The following CRYBG1 variants were observed in gnomAD, a reference collection of about 807,000 sequenced individuals.
CRYBG1 encodes the protein crystallin beta-gamma domain containing 1, also known as beta/gamma crystallin domain-containing protein 1.
In CRYBG1, 139 loss-of-function variants were observed where a neutral mutation model predicts 189.2. That is an observed-to-expected ratio of 0.73 (90% CI 0.64 to 0.85). The LOEUF (loss-of-function observed/expected upper bound fraction) is 0.85, where lower values mean the gene tolerates loss of function less well. CRYBG1 is among the 40% of genes least tolerant of loss of function. CRYBG1 has a pLI of 0.00. For missense variants in CRYBG1, 2,611 were observed against 2,675.8 expected (o/e 0.98, Z 0.53); for synonymous variants, 1,023 against 1,017.1 (o/e 1.01, Z -0.11).
rs1400367055 is a variant in CRYBG1, at chr6:106,570,326, T to A, written c.*1760T>A. The stretch of plus-strand genomic sequence containing the variant: ...AACAGCATCCAACATATCTGTCTTG[T>A]TCCTAGATATATAGCTCTGATTTTA... On this transcript the variant is annotated 3_prime_UTR_variant, in exon 22 of 22. Transcript: ENST00000633556. The A allele has an allele frequency of 1.3e-5, 2 of 152,254 alleles. No homozygotes were observed. The highest frequency in any genetic ancestry group is 1.3e-4 in the Admixed American group (2 of 15,284). The allele number at this position is 152,254 out of a possible 1,614,324, so 9.4% of individuals were successfully genotyped here. A position where few individuals can be genotyped will look rare whatever the true frequency, so the allele number is the denominator to read the frequency against.
intron 1 of CRYBG1, among the ~76,000 whole-genome samples, chr6:106,380,063 T>A (rs571096826): frequency 6.6e-6 from 1 of 152,334 alleles, no homozygotes; most frequent in South Asian, 2.1e-4. Flanking sequence ...CATTTCCATG[T>A]TTAGAGTTTG....
intron 2 of CRYBG1, among the ~76,000 whole-genome samples, chr6:106,471,855 T>C: frequency 6.6e-6 from 1 of 151,682 alleles, no homozygotes; most frequent in East Asian, 1.9e-4. Context: ...TGGCATACTA[T>C]AGACAAAAAG....
intron 1 of CRYBG1, among the ~76,000 whole-genome samples, chr6:106,421,144 A>G (rs1431848683): frequency 6.6e-6 from 1 of 152,200 alleles, no homozygotes; most frequent in Non-Finnish European, 1.5e-5. Context: ...AGTGCACTTG[A>G]GGCCAAGGAA....
At chr6:106,484,510 G>A (rs1347430962) in intron 2 of CRYBG1, among the ~76,000 whole-genome samples, 5 of 152,070 alleles carry the variant, frequency 3.3e-5, no homozygotes, top group Non-Finnish European at 1.5e-5. Context: ...TGTAGAGACA[G>A]GGTCTTGCCA....
At position 106,360,808 on chromosome 6, in the gene CRYBG1, G is replaced by C; in HGVS notation, c.-101G>C. 1 of 1,360,734 alleles carries C rather than the reference G, an allele frequency of 7.3e-7. No homozygotes were observed. 84.3% of individuals were successfully genotyped at this position (1,360,734 alleles called of 1,614,324 possible). ...AGGGGGCGGGGTCCCACGGCGCGCT[G>C]AGAAAGGCGGGCGAGCTGGCGCTCA... On this transcript the variant is annotated 5_prime_UTR_variant, in exon 1 of 22. Transcript: ENST00000633556.
At chr6:106,524,942 G>A (rs1297230896) in intron 4 of CRYBG1, among the ~76,000 whole-genome samples, 191 bp from the exon 5 acceptor site, 1 of 152,088 alleles carries the variant, frequency 6.6e-6, no homozygotes, top group Non-Finnish European at 1.5e-5. Flanking sequence ...TCAGTTAGAG[G>A]TGAAAAAACC....
intron 2 of CRYBG1, among the ~76,000 whole-genome samples, chr6:106,505,231 A>G (rs1387316703): frequency 6.6e-6 from 1 of 151,964 alleles, no homozygotes; most frequent in Non-Finnish European, 1.5e-5. Flanking sequence ...AGTAGCTGGG[A>G]CTACAGGCAC....
chr6:106,379,274 T>G (rs193153747), intron 1 of CRYBG1, among the ~76,000 whole-genome samples: 173 of 152,164 alleles, frequency 1.1e-3, no homozygotes, highest in Non-Finnish European at 2.0e-3. Flanking sequence ...TTTTCTTTTT[T>G]TTTTCGAGAC....
rs188744271 is a variant in CRYBG1, at chr6:106,532,536, A to T, written c.4718+2221A>T. On this transcript the variant is annotated intron_variant, in intron 8 of 21. Transcript: ENST00000633556. ...TATATTCCCACCAATAGTGTGGAAG[A>T]GTTCCCTTTGCTCCACATCCTCACC... 5.3e-5 allele frequency among the ~76,000 whole-genome samples: 8 copies of T among 152,316 alleles called. 1 individual carries two copies. The East Asian group carries it at 1.5e-3, about 29-fold the overall frequency.
chr6:106,566,167 G>GAAA (rs34366986), intron 21 of CRYBG1, among the ~76,000 whole-genome samples: 6,361 of 123,788 alleles, frequency 0.051, 184 homozygotes, highest in South Asian at 0.11. Flanking sequence ...GCACCAGCGT[G>GAAA]AAAAAAAAAA....
At chr6:106,363,243 C>CA (rs57040798) in intron 1 of CRYBG1, among the ~76,000 whole-genome samples, 6,793 of 110,666 alleles carry the variant, frequency 0.061, 200 homozygotes, top group Admixed American at 0.075. Context: ...AACTCCGTCT[C>CA]AAAAAAAAAA....
At chr6:106,543,404 C>G (rs1167809914) in intron 10 of CRYBG1, 36 bp from the exon 11 acceptor site, 2 of 1,566,122 alleles carry the variant, frequency 1.3e-6, no homozygotes, top group African/African-American at 2.7e-5. Flanking sequence ...TGGGATACTT[C>G]TTACAGATTA....
chr6:106,486,238 T>G (rs907303612), intron 2 of CRYBG1, among the ~76,000 whole-genome samples: 4 of 151,816 alleles, frequency 2.6e-5, no homozygotes, highest in African/African-American at 9.7e-5. Flanking sequence ...AAGAACATAT[T>G]ATTTAATTTT....
chr6:106,452,976 T>G (rs1771814230), intron 2 of CRYBG1, among the ~76,000 whole-genome samples: 1 of 152,222 alleles, frequency 6.6e-6, no homozygotes. Context: ...ATGAAAGAAA[T>G]GCTCTCCTCC....
chr6:106,532,798 G>C lies in CRYBG1; in HGVS notation c.4718+2483G>C, dbSNP rs567649224. 3.3e-5 allele frequency among the ~76,000 whole-genome samples: 5 copies of C among 152,260 alleles called. No homozygotes were observed. In the East Asian group the frequency reaches 9.6e-4, roughly 29 times the overall value. On this transcript the variant is annotated intron_variant, in intron 8 of 21. Transcript: ENST00000633556. ...AAAGGCTCTGAAATTTTTAAAGGTG[G>C]TTAGTTTAGAAGTAGAAATTAGGAA...
Position 106,401,209 on chromosome 6 carries a change from T to A in CRYBG1, c.173+40128T>A, listed in dbSNP as rs373531869. On this transcript the variant is annotated intron_variant, in intron 1 of 21. Coordinates refer to ENST00000633556, the MANE Select transcript of CRYBG1 (RefSeq NM_001371242.2). ...TCAACCTACAGAGCAAATAATAGAG[T>A]TGGATTCATTTTTTAATGAGTGACT... Among the ~76,000 whole-genome samples, 511 of 152,092 alleles carry A rather than the reference T, an allele frequency of 3.4e-3. 7 individuals are homozygous for A. The highest frequency in any genetic ancestry group is 0.016 in the South Asian group (77 of 4,808).
chr6:106,512,922 G>A lies in CRYBG1; in HGVS notation c.1805G>A (p.Gly602Asp). 1.2e-6 allele frequency: 2 copies of A among 1,608,212 alleles called. No individual in the cohort carries two copies. The highest frequency in any genetic ancestry group is 8.5e-7 in the Non-Finnish European group (1 of 1,177,684). The change falls in exon 3 of 22, where the codon GGT (glycine) becomes GAT (aspartate). Residue 602 changes from glycine to aspartate, a missense_variant. Transcript: ENST00000633556. ...CACTTCAACGGCCGGGCAGAGGGAG[G>A]TCGAAGCAGAGAGCTGGGCAGAGCG... Reference protein sequence around the residue: ...PNHFNGRAEGGRSRELGRAAG... With the variant: ...PNHFNGRAEGDRSRELGRAAG...
intron 21 of CRYBG1, among the ~76,000 whole-genome samples, chr6:106,565,795 T>C (rs1168008133): frequency 6.6e-6 from 1 of 152,246 alleles, no homozygotes; most frequent in African/African-American, 2.4e-5. Context: ...ATTTTATAGA[T>C]GATCAACCTG....
At chr6:106,483,402 AAAACATTT>A (rs1772518104) in intron 2 of CRYBG1, among the ~76,000 whole-genome samples, 8 of 88,294 alleles carry the variant, frequency 9.1e-5, no homozygotes, top group East Asian at 4.0e-4. Flanking sequence ...ATATATATAT[AAAACATTT>A]TCTTTATCTA....
Sources: allele counts gnomAD v4.1 joint callset (sites outside exome capture counted in the v4.1 genomes callset), GRCh38; gene constraint gnomAD v4.1.1; transcripts MANE v1.5; gene names NCBI Gene and HGNC (gene_info 2026-07-23, HGNC 2026-07-21).